HMG20A: variants seen among roughly 807,000 people sequenced by gnomAD.
HMG20A encodes the protein high mobility group 20A.
A neutral mutation model predicts 43.9 loss-of-function variants in HMG20A; 17 were observed. The observed-to-expected ratio is 0.39, with a 90% CI of 0.27 to 0.58. The LOEUF is 0.58. HMG20A is among the 20% of genes least tolerant of loss of function. The pLI, the probability that HMG20A is intolerant of heterozygous loss-of-function variation, is 0.59. For synonymous variants in HMG20A, 132 were observed against 147.5 expected (o/e 0.89, Z 0.76); for missense variants, 341 against 438.2 (o/e 0.78, Z 1.98).
downstream of HMG20A, among the ~76,000 whole-genome samples, chr15:77,489,462 A>G (rs889831885): frequency 1.3e-5 from 2 of 152,228 alleles, no homozygotes; most frequent in African/African-American, 4.8e-5. Flanking sequence ...AAGCCGTAGC[A>G]TGGTATGGTG....
the HMG20A span, among the ~76,000 whole-genome samples, chr15:77,499,891 A>G: frequency 3.3e-5 from 5 of 150,728 alleles, no homozygotes; most frequent in Non-Finnish European, 7.4e-5. Flanking sequence ...GTGCAGCAGC[A>G]CGATCCTGGC....
At chr15:77,424,986 A>G (rs527927019) in intron 1 of HMG20A, among the ~76,000 whole-genome samples, 3 of 152,226 alleles carry the variant, frequency 2.0e-5, no homozygotes, top group Admixed American at 6.5e-5. Context: ...TGCACCCAGC[A>G]TTAATATTTT....
intron 1 of HMG20A, among the ~76,000 whole-genome samples, chr15:77,425,176 C>G (rs1243610388): frequency 6.6e-6 from 1 of 152,206 alleles, no homozygotes; most frequent in Non-Finnish European, 1.5e-5. Flanking sequence ...CTCTCCAGAG[C>G]ATTATACCTT....
chr15:77,432,867 G>A (rs1388689249), intron 1 of HMG20A, among the ~76,000 whole-genome samples: 1 of 151,770 alleles, frequency 6.6e-6, no homozygotes, highest in Non-Finnish European at 1.5e-5. Flanking sequence ...CCAGTATCAG[G>A]AATGAAAAGG....
At chr15:77,467,069 G>T (rs1431613432) in intron 3 of HMG20A, 26 bp from the exon 4 acceptor site, 2 of 1,588,446 alleles carry the variant, frequency 1.3e-6, no homozygotes, top group Non-Finnish European at 8.6e-7. Flanking sequence ...TTGGTTTTTG[G>T]TTTTTTATTT....
chr15:77,506,412 TC>T, the HMG20A span, among the ~76,000 whole-genome samples: 1 of 152,176 alleles, frequency 6.6e-6, no homozygotes, highest in African/African-American at 2.4e-5. Context: ...CCTTGCCTGC[TC>T]CGGAGGCAGT....
intron 2 of HMG20A, among the ~76,000 whole-genome samples, chr15:77,460,783 C>A (rs903093913): frequency 1.3e-5 from 2 of 152,056 alleles, no homozygotes; most frequent in Non-Finnish European, 2.9e-5. Flanking sequence ...GTCAGGAGTT[C>A]AAGACCAGCC....
At chr15:77,470,875 A>T in intron 4 of HMG20A, 35 bp from the exon 5 acceptor site, 1 of 1,529,386 alleles carries the variant, frequency 6.5e-7, no homozygotes, top group Non-Finnish European at 8.7e-7. Context: ...ATAGGATCTC[A>T]TTTTCTTGAA....
intron 1 of HMG20A, among the ~76,000 whole-genome samples, chr15:77,445,134 T>C (rs993134276): frequency 2.0e-5 from 3 of 152,240 alleles, no homozygotes; most frequent in Admixed American, 6.5e-5. Context: ...TTCTGAAACA[T>C]GTCATCCTTT....
At chr15:77,477,784 CT>C (rs773380927) in intron 7 of HMG20A, among the ~76,000 whole-genome samples, 154 bp downstream of exon 7, 22 of 152,204 alleles carry the variant, frequency 1.4e-4, no homozygotes, top group Non-Finnish European at 2.6e-4. Context: ...GTTGTCAAAG[CT>C]TCTTTGGTCT....
At position 77,485,213 on chromosome 15, in the gene HMG20A, G is replaced by C. The variant is rs562830333; in HGVS notation, c.*2250G>C. ...CAAAACTGTCAGTATCTATAGACCAGGTCTGTGCCACCTCCTCTCTCCTCT... is the reference window on the plus strand; with the variant it reads ...CAAAACTGTCAGTATCTATAGACCACGTCTGTGCCACCTCCTCTCTCCTCT... On this transcript the variant is annotated 3_prime_UTR_variant, in exon 10 of 10. Transcript: ENST00000336216. The C allele has an allele frequency of 2.0e-5, 3 of 152,742 alleles. No individual in the cohort carries two copies. Among genetic ancestry groups the C allele is most frequent in the East Asian group, 3.9e-4 (2 of 5,186 alleles). The allele number at this position is 152,742 out of a possible 1,614,324, so 9.5% of individuals were successfully genotyped here. A position where few individuals can be genotyped will look rare whatever the true frequency, so the allele number is the denominator to read the frequency against.
At chr15:77,502,368 T>C in the HMG20A span, among the ~76,000 whole-genome samples, 1 of 152,326 alleles carries the variant, frequency 6.6e-6, no homozygotes, top group Admixed American at 6.5e-5. Flanking sequence ...AACTTCTAGT[T>C]TGGCACACAC....
At chr15:77,472,006 A>T (rs2072813898) in intron 6 of HMG20A, among the ~76,000 whole-genome samples, 192 bp downstream of exon 6, 1 of 152,080 alleles carries the variant, frequency 6.6e-6, no homozygotes, top group South Asian at 2.1e-4. Flanking sequence ...CTGTCATTGA[A>T]CTACAGCCCC....
At chr15:77,424,984 G>A (rs1012680794) in intron 1 of HMG20A, among the ~76,000 whole-genome samples, 2 of 152,050 alleles carry the variant, frequency 1.3e-5, no homozygotes, top group African/African-American at 4.8e-5. Flanking sequence ...ACTGCACCCA[G>A]CATTAATATT....
intron 1 of HMG20A, among the ~76,000 whole-genome samples, chr15:77,452,044 C>G (rs765119610): frequency 6.6e-6 from 1 of 152,110 alleles, no homozygotes; most frequent in African/African-American, 2.4e-5. Flanking sequence ...TGAGTGTCCC[C>G]CAGTTTCAGA....
intron 9 of HMG20A, 57 bp downstream of exon 9, chr15:77,479,378 A>T: frequency 6.6e-7 from 1 of 1,512,034 alleles, no homozygotes; most frequent in East Asian, 2.3e-5. Flanking sequence ...ATAAGATGTC[A>T]TCAGACTTTA....
chr15:77,517,216 TG>T, the HMG20A span, among the ~76,000 whole-genome samples: 1 of 152,184 alleles, frequency 6.6e-6, no homozygotes, highest in Non-Finnish European at 1.5e-5. Context: ...CCCAAGCCTC[TG>T]TCAACTCTAT....
rs773405723 is a variant in HMG20A at position 77,458,397 on chromosome 15, C to T, written c.-4-7C>T. On this transcript the variant is annotated splice_region_variant and splice_polypyrimidine_tract_variant and intron_variant, in intron 1 of 9. Transcript: ENST00000336216. ...ATTAATTTTTTTTTATTCTCTTTTC[C>T]TTTCAGAGAGATGGAAAACTTGATG... is the stretch of plus-strand genomic sequence containing the variant. 6 of 1,601,338 alleles carry T rather than the reference C, an allele frequency of 3.7e-6. No homozygotes were observed. The African/African-American group carries it at 8.1e-5, about 22-fold the overall frequency.
At chr15:77,444,398 G>A (rs906819406) in intron 1 of HMG20A, among the ~76,000 whole-genome samples, 2 of 152,256 alleles carry the variant, frequency 1.3e-5, no homozygotes, top group East Asian at 3.9e-4. Flanking sequence ...AACAGCACTA[G>A]GCAATGCTGA....
Sources: gnomAD v4.1 joint callset for allele counts (sites outside exome capture counted in the v4.1 genomes callset) on GRCh38, gnomAD v4.1.1 for gene constraint, MANE v1.5 for transcripts, NCBI Gene and HGNC (gene_info 2026-07-23, HGNC 2026-07-21) for gene names.